The following ESRRG variants were observed in gnomAD, a reference collection of about 807,000 sequenced individuals.
ESRRG encodes the protein estrogen related receptor gamma, also known as estrogen-related receptor gamma.
A neutral mutation model predicts 44.0 loss-of-function variants in ESRRG; 13 were observed. The observed-to-expected ratio is 0.30, with a 90% CI of 0.19 to 0.47. ESRRG has a LOEUF of 0.47. Among genes scored for constraint, ESRRG ranks in the 20% least tolerant of loss-of-function variants. The probability of loss-of-function intolerance (pLI) is 1.00; values close to 1 mark genes in which losing one functional copy is unlikely to be tolerated. For missense variants in ESRRG, 395 were observed against 580.6 expected (o/e 0.68, Z 3.29); for synonymous variants, 215 against 214.6 (o/e 1.00, Z -0.02).
At chr1:216,913,745 T>C (rs1336123176) in intron 2 of ESRRG, among the ~76,000 whole-genome samples, 1 of 152,336 alleles carries the variant, frequency 6.6e-6, no homozygotes. Flanking sequence ...GTGCGTGTGA[T>C]AAGCACTTTA....
intron 1 of ESRRG, among the ~76,000 whole-genome samples, chr1:216,690,496 T>C (rs79668519): frequency 0.048 from 7,308 of 152,196 alleles, 231 homozygotes; most frequent in Non-Finnish European, 0.078. Flanking sequence ...GGAGTGAGGA[T>C]TGCCTAGAGA....
chr1:216,950,010 G>A (rs1205977805), intron 1 of ESRRG, among the ~76,000 whole-genome samples: 5 of 151,590 alleles, frequency 3.3e-5, no homozygotes, highest in South Asian at 2.1e-4. Flanking sequence ...AAGGGGTTTC[G>A]CCATGTTGGC....
At chr1:216,821,644 C>A (rs1488127482) in intron 2 of ESRRG, among the ~76,000 whole-genome samples, 1 of 142,360 alleles carries the variant, frequency 7.0e-6, no homozygotes, top group East Asian at 2.1e-4. Flanking sequence ...ATGATAACAG[C>A]ACTGCACTCC....
At chr1:216,621,932 A>G (rs1267208755) in intron 3 of ESRRG, among the ~76,000 whole-genome samples, 1 of 152,082 alleles carries the variant, frequency 6.6e-6, no homozygotes, top group Non-Finnish European at 1.5e-5. Context: ...ATCTGCAGTG[A>G]TGTGCTTACT....
intron 6 of ESRRG, among the ~76,000 whole-genome samples, chr1:216,515,113 C>T (rs1572048194): frequency 2.0e-5 from 3 of 152,018 alleles, no homozygotes; most frequent in African/African-American, 7.2e-5. Context: ...ATTCACCTGC[C>T]TTATTTTACA....
intron 3 of ESRRG, among the ~76,000 whole-genome samples, chr1:216,596,467 C>T (rs151230440): frequency 3.3e-5 from 5 of 152,268 alleles, no homozygotes; most frequent in East Asian, 3.9e-4. Flanking sequence ...GAAGTTAAAG[C>T]GGAGCCATTA....
chr1:216,645,840 C>G (rs2067440833), intron 3 of ESRRG, among the ~76,000 whole-genome samples: 1 of 136,198 alleles, frequency 7.3e-6, no homozygotes, highest in Admixed American at 8.3e-5. Context: ...CCACTGCACT[C>G]TAGCCTAGGG....
chr1:216,981,418 G>A (rs192451007), intron 1 of ESRRG, among the ~76,000 whole-genome samples: 11 of 152,078 alleles, frequency 7.2e-5, no homozygotes, highest in East Asian at 1.9e-4. Flanking sequence ...GGCTACTTAC[G>A]GCCTGTAAAA....
chr1:216,592,144 C>G (rs2057770561), intron 3 of ESRRG, among the ~76,000 whole-genome samples: 1 of 152,172 alleles, frequency 6.6e-6, no homozygotes, highest in Admixed American at 6.6e-5. Flanking sequence ...GAGGAACACT[C>G]TACAAAATAA....
At chr1:216,602,015 C>G (rs2059325883) in intron 3 of ESRRG, among the ~76,000 whole-genome samples, 2 of 152,180 alleles carry the variant, frequency 1.3e-5, no homozygotes, top group South Asian at 4.1e-4. Context: ...TGCCCAAGAT[C>G]ACACAGCTAG....
intron 2 of ESRRG, among the ~76,000 whole-genome samples, chr1:216,852,930 G>T (rs1246883783): frequency 6.6e-6 from 1 of 152,002 alleles, no homozygotes; most frequent in Non-Finnish European, 1.5e-5. Flanking sequence ...CTAGGTCCCG[G>T]GAAACCTAAT....
rs572960358 is a variant in ESRRG at position 217,099,214 on chromosome 1, G to A, written c.-230+38453C>T. ...GACTGGATAACAAGAAATGTGCCAA[G>A]AAAGAAATGCAAATGAAGGCATCTT... is the stretch of plus-strand genomic sequence containing the variant. On this transcript the variant is annotated intron_variant, in intron 1 of 8. Coordinates refer to the ESRRG transcript ENST00000366940. 8.9e-4 allele frequency among the ~76,000 whole-genome samples: 136 copies of A among 152,280 alleles called. 1 individual carries two copies. Among genetic ancestry groups the A allele is most frequent in the South Asian group, 1.9e-3 (9 of 4,828 alleles).
chr1:216,722,594 T>C (rs1216987098), intron 1 of ESRRG, among the ~76,000 whole-genome samples: 1 of 151,782 alleles, frequency 6.6e-6, no homozygotes, highest in Non-Finnish European at 1.5e-5. Flanking sequence ...GTTTCTTCTT[T>C]AGTTTTTTTT....
In ESRRG at chr1:216,954,964, G is replaced by A. The variant is rs753732140; in HGVS notation, c.-105-15291C>T. On this transcript the variant is annotated intron_variant, in intron 1 of 7. Coordinates refer to the ESRRG transcript ENST00000359162. ...TTTATGCGGTATAGAGTGGTATTTC[G>A]ATACATGTACATAATATGTAATGAT... Among the ~76,000 whole-genome samples the A allele has an allele frequency of 9.2e-5, 14 of 152,014 alleles. No individual in the cohort carries two copies. In the East Asian group the frequency reaches 1.5e-3, roughly 17 times the overall value.
chr1:216,623,576 T>G (rs2062672023), intron 3 of ESRRG, among the ~76,000 whole-genome samples: 1 of 152,112 alleles, frequency 6.6e-6, no homozygotes, highest in African/African-American at 2.4e-5. Context: ...AAGAGTTACT[T>G]TATCAACTTC....
intron 2 of ESRRG, among the ~76,000 whole-genome samples, chr1:216,737,663 C>T (rs1334167211): frequency 1.3e-5 from 2 of 152,014 alleles, no homozygotes; most frequent in Non-Finnish European, 2.9e-5. Flanking sequence ...ACTTTGATAT[C>T]AGATGGCCTC....
intron 2 of ESRRG, among the ~76,000 whole-genome samples, chr1:216,918,877 A>G (rs2061498096): frequency 1.3e-5 from 2 of 148,706 alleles, no homozygotes; most frequent in Non-Finnish European, 3.0e-5. Flanking sequence ...ATATGTGTAT[A>G]TATATATAAT....
chr1:216,788,714 T>C (rs1338466269), intron 2 of ESRRG, among the ~76,000 whole-genome samples: 1 of 152,178 alleles, frequency 6.6e-6, no homozygotes, highest in Non-Finnish European at 1.5e-5. Flanking sequence ...CTCATGAATA[T>C]GACCAAAGTC....
intron 5 of ESRRG, among the ~76,000 whole-genome samples, chr1:216,556,613 T>G (rs2057637315): frequency 6.6e-6 from 1 of 152,162 alleles, no homozygotes; most frequent in East Asian, 1.9e-4. Flanking sequence ...TTTGTTTTCC[T>G]TAGCATAAAA....
Sources: gnomAD v4.1 joint callset for allele counts (sites outside exome capture counted in the v4.1 genomes callset) on GRCh38, gnomAD v4.1.1 for gene constraint, MANE v1.5 for transcripts, NCBI Gene and HGNC (gene_info 2026-07-23, HGNC 2026-07-21) for gene names.